The following LINGO2 variants were observed in gnomAD, a reference collection of about 807,000 sequenced individuals.
LINGO2 encodes leucine-rich repeat and immunoglobulin-like domain-containing nogo receptor-interacting protein 2.
LINGO2 carries 14 observed loss-of-function variants against 30.6 expected under a neutral mutation model. That is an observed-to-expected ratio of 0.46 (90% CI 0.30 to 0.72). LINGO2 has a LOEUF of 0.72. LINGO2 is among the 30% of genes least tolerant of loss of function. The pLI, the probability that LINGO2 is intolerant of heterozygous loss-of-function variation, is 0.07. For missense variants in LINGO2, 729 were observed against 751.7 expected, an observed-to-expected ratio of 0.97 and a Z score of 0.35; for synonymous variants, 317 against 288.5, an observed-to-expected ratio of 1.10 and a Z score of -1.00.
the LINGO2 span, among the ~76,000 whole-genome samples, chr9:28,804,532 G>A: frequency 8.7e-5 from 10 of 114,704 alleles, no homozygotes; most frequent in South Asian, 1.0e-3. Context: ...TTGTGTTCAC[G>A]GCAAAAACAA....
At chr9:28,513,714 C>T (rs10119327) in intron 1 of LINGO2, among the ~76,000 whole-genome samples, 1 of 151,942 alleles carries the variant, frequency 6.6e-6, no homozygotes. Context: ...TATTTTTCTT[C>T]TTTGTGTGTA....
chr9:28,817,624 G>A, the LINGO2 span, among the ~76,000 whole-genome samples: 52 of 152,272 alleles, frequency 3.4e-4, no homozygotes, highest in Admixed American at 2.5e-3. Flanking sequence ...TCTCAAGGAA[G>A]CACTCAGATT....
chr9:28,060,840 G>T (rs1238489353), intron 4 of LINGO2, among the ~76,000 whole-genome samples: 1 of 152,078 alleles, frequency 6.6e-6, no homozygotes, highest in Non-Finnish European at 1.5e-5. Context: ...GGGAAAACCT[G>T]GCCTGATCTT....
intron 1 of LINGO2, among the ~76,000 whole-genome samples, chr9:28,595,338 T>A (rs1164043034): frequency 6.6e-6 from 1 of 152,060 alleles, no homozygotes; most frequent in African/African-American, 2.4e-5. Context: ...ACTTTTTCCA[T>A]CTAGTACCTA....
chr9:28,406,054 T>C (rs1240368423), intron 2 of LINGO2, among the ~76,000 whole-genome samples: 1 of 152,194 alleles, frequency 6.6e-6, no homozygotes, highest in African/African-American at 2.4e-5. Context: ...ATATTTTTCT[T>C]ATCTTTATTC....
intron 2 of LINGO2, among the ~76,000 whole-genome samples, chr9:28,406,929 A>C (rs1299880971): frequency 6.6e-6 from 1 of 152,128 alleles, no homozygotes; most frequent in Non-Finnish European, 1.5e-5. Flanking sequence ...TAGTCCAGAC[A>C]CTCAAGATAA....
intron 1 of LINGO2, among the ~76,000 whole-genome samples, chr9:28,599,625 A>G (rs1825378397): frequency 6.6e-6 from 1 of 152,116 alleles, no homozygotes; most frequent in Non-Finnish European, 1.5e-5. Context: ...TTGTTTAACT[A>G]CTTTTCTTCT....
intron 4 of LINGO2, among the ~76,000 whole-genome samples, chr9:28,189,225 A>G (rs1307366417): frequency 6.9e-6 from 1 of 145,202 alleles, no homozygotes; most frequent in African/African-American, 2.5e-5. Context: ...GGAAGGAAAG[A>G]AGGAAGGAAA....
chr9:28,813,693 G>T, the LINGO2 span, among the ~76,000 whole-genome samples: 1 of 152,096 alleles, frequency 6.6e-6, no homozygotes, highest in Admixed American at 6.5e-5. Context: ...ATTATATTTT[G>T]TAATAAATGC....
intron 1 of LINGO2, among the ~76,000 whole-genome samples, chr9:28,567,200 A>G (rs1238247692): frequency 1.3e-5 from 2 of 152,154 alleles, no homozygotes; most frequent in Non-Finnish European, 2.9e-5. Flanking sequence ...GGCAATGCAA[A>G]TTAGTTCAAC....
the LINGO2 span, among the ~76,000 whole-genome samples, chr9:29,135,813 T>C: frequency 8.5e-5 from 13 of 152,262 alleles, no homozygotes; most frequent in African/African-American, 3.1e-4. Context: ...ACCACCATTC[T>C]GCTTTCTGTT....
At chr9:28,344,476 A>C (rs1819491140) in intron 3 of LINGO2, among the ~76,000 whole-genome samples, 1 of 152,156 alleles carries the variant, frequency 6.6e-6, no homozygotes, top group Non-Finnish European at 1.5e-5. Context: ...GAAAATAAGT[A>C]ATGAAAAATG....
the LINGO2 span, among the ~76,000 whole-genome samples, chr9:28,892,685 A>T: frequency 1.3e-5 from 2 of 151,970 alleles, no homozygotes; most frequent in Admixed American, 1.3e-4. Context: ...CATAAGAAAC[A>T]GCAATGATAA....
intron 3 of LINGO2, among the ~76,000 whole-genome samples, chr9:28,322,782 A>C (rs2134307960): frequency 6.6e-6 from 1 of 152,312 alleles, no homozygotes; most frequent in Non-Finnish European, 1.5e-5. Flanking sequence ...AGACAACCTC[A>C]ATAAATTGCT....
At chr9:28,632,528 T>C (rs891906416) in intron 1 of LINGO2, among the ~76,000 whole-genome samples, 36 of 149,042 alleles carry the variant, frequency 2.4e-4, no homozygotes, top group South Asian at 1.3e-3. Context: ...TCTCGATATA[T>C]AATATATAAC....
chr9:28,372,778 A>T, intron 3 of LINGO2, 58 bp downstream of exon 5: 1 of 152,556 alleles, frequency 6.6e-6, no homozygotes, highest in East Asian at 1.9e-4. Context: ...TTTTTACCCC[A>T]TAGATTTACA....
chr9:28,909,396 T>G, the LINGO2 span, among the ~76,000 whole-genome samples: 13 of 151,700 alleles, frequency 8.6e-5, no homozygotes, highest in African/African-American at 2.9e-4. Flanking sequence ...AATTCTATAA[T>G]GTAGATAATC....
the LINGO2 span, among the ~76,000 whole-genome samples, chr9:29,083,822 A>G: frequency 6.6e-6 from 1 of 152,242 alleles, no homozygotes; most frequent in South Asian, 2.1e-4. Context: ...GCCAAAAGCC[A>G]CTTGTGAACA....
chr9:28,119,848 T>C (rs1448763077), intron 4 of LINGO2, among the ~76,000 whole-genome samples: 2 of 152,054 alleles, frequency 1.3e-5, no homozygotes, highest in African/African-American at 4.8e-5. Context: ...CTATGAAAAA[T>C]AAACAAGCAC....
Sources: allele counts gnomAD v4.1 joint callset (sites outside exome capture counted in the v4.1 genomes callset), GRCh38; gene constraint gnomAD v4.1.1; transcripts MANE v1.5; gene names NCBI Gene and HGNC (gene_info 2026-07-23, HGNC 2026-07-21).